FBXO47: variants seen among roughly 807,000 people sequenced by gnomAD.
FBXO47 encodes the protein F-box protein 47, also known as F-box only protein 47.
FBXO47 carries 34 observed loss-of-function variants against 53.9 expected under a neutral mutation model. That is an observed-to-expected ratio of 0.63 (90% CI 0.48 to 0.84). FBXO47 has a LOEUF of 0.84. Ranked by LOEUF, FBXO47 falls within the 40% of genes least tolerant of loss-of-function variation. The probability of loss-of-function intolerance (pLI) is 0.00; values close to 1 mark genes in which losing one functional copy is unlikely to be tolerated. For missense variants in FBXO47, 485 were observed against 541.3 expected, an observed-to-expected ratio of 0.90 and a Z score of 1.03; for synonymous variants, 165 against 181.6, an observed-to-expected ratio of 0.91 and a Z score of 0.73.
intron 9 of FBXO47, among the ~76,000 whole-genome samples, chr17:38,939,268 G>T (rs9889569): frequency 0.026 from 3,322 of 126,428 alleles, 177 homozygotes; most frequent in African/African-American, 0.099. Context: ...ACTCCAGCCT[G>T]GGGGACAGAG....
At chr17:38,962,754 T>C (rs1321848768) in intron 2 of FBXO47, 91 bp downstream of exon 2, 8 of 838,950 alleles carry the variant, frequency 9.5e-6, no homozygotes, top group Non-Finnish European at 8.8e-6. Context: ...ATTAACATTT[T>C]AGCATGGCCC....
At chr17:38,942,031 G>C (rs1165068638) in intron 9 of FBXO47, among the ~76,000 whole-genome samples, 2 of 151,718 alleles carry the variant, frequency 1.3e-5, no homozygotes, top group Non-Finnish European at 2.9e-5. Flanking sequence ...CAAAATTAGA[G>C]AGAATAATAT....
intron 1 of FBXO47, among the ~76,000 whole-genome samples, chr17:38,966,265 G>C (rs1426459833): frequency 6.6e-6 from 1 of 151,480 alleles, no homozygotes; most frequent in African/African-American, 2.4e-5. Flanking sequence ...GCAGTGGCGC[G>C]ATCTCGGCTC....
At chr17:38,965,332 T>C (rs1906049186) in intron 1 of FBXO47, among the ~76,000 whole-genome samples, 1 of 152,214 alleles carries the variant, frequency 6.6e-6, no homozygotes, top group Non-Finnish European at 1.5e-5. Flanking sequence ...GATATATAAT[T>C]GTATCTGGCC....
intron 1 of FBXO47, among the ~76,000 whole-genome samples, chr17:38,963,951 C>A (rs1372377720): frequency 6.6e-6 from 1 of 150,744 alleles, no homozygotes; most frequent in South Asian, 2.1e-4. Context: ...CACAGAGCCA[C>A]CATGCCCAGC....
chr17:38,938,180 A>G (rs957158155), intron 10 of FBXO47, among the ~76,000 whole-genome samples: 1 of 152,198 alleles, frequency 6.6e-6, no homozygotes, highest in African/African-American at 2.4e-5. Flanking sequence ...AGGGTTAATT[A>G]TCATGTTGGT....
rs1176865620 is a variant in FBXO47, at chr17:38,946,639, AAT to A, written c.617-1505_617-1504del. ...CTATATAAATATATATGAATATATA[AAT>A]ATATATAAATATATATGAATATATA... On this transcript the variant is annotated intron_variant, in intron 6 of 10. Coordinates refer to ENST00000378079, the MANE Select transcript of FBXO47 (RefSeq NM_001008777.3). 4.4e-3 allele frequency among the ~76,000 whole-genome samples: 199 copies of A among 45,390 alleles called. 7 individuals carry two copies. Among genetic ancestry groups the A allele is most frequent in the African/African-American group, 0.024 (181 of 7,546 alleles). 29.8% of individuals were successfully genotyped at this position (45,390 alleles called of 152,430 possible).
chr17:38,960,759 G>A (rs1235454337), intron 3 of FBXO47, among the ~76,000 whole-genome samples: 1 of 150,548 alleles, frequency 6.6e-6, no homozygotes, highest in African/African-American at 2.4e-5. Context: ...AGCCTCCTAA[G>A]TAGCTGAGAA....
chr17:38,966,011 T>C (rs1481438127), intron 1 of FBXO47, among the ~76,000 whole-genome samples: 1 of 152,170 alleles, frequency 6.6e-6, no homozygotes, highest in African/African-American at 2.4e-5. Flanking sequence ...CATATATTTC[T>C]TTTTAACAAA....
At chr17:38,962,608 A>AAATAATAAT (rs58127654) in intron 2 of FBXO47, among the ~76,000 whole-genome samples, 2,786 of 146,276 alleles carry the variant, frequency 0.019, 87 homozygotes, top group African/African-American at 0.062. Context: ...CTCCATCTCA[A>AAATAATAAT]AATAATAATA....
At chr17:38,964,953 G>A (rs965552116) in intron 1 of FBXO47, among the ~76,000 whole-genome samples, 1 of 152,006 alleles carries the variant, frequency 6.6e-6, no homozygotes, top group African/African-American at 2.4e-5. Context: ...AAGTAGCTGG[G>A]ATTACAGGCG....
chr17:38,960,950 T>C (rs1905788514), intron 3 of FBXO47, among the ~76,000 whole-genome samples: 1 of 152,046 alleles, frequency 6.6e-6, no homozygotes, highest in Non-Finnish European at 1.5e-5. Context: ...ATATTTATAA[T>C]GAGAAGTAGG....
In FBXO47 at chr17:38,954,931, A is replaced by G; in HGVS notation, c.432T>C (p.Val144=). The G allele has an allele frequency of 3.1e-6, 5 of 1,608,472 alleles. No homozygotes were observed. The highest frequency in any genetic ancestry group is 4.2e-6 in the Non-Finnish European group (5 of 1,176,598). The part of the protein sequence containing the change: ...LKYIHKILTE[V]SCFKFNGCAA... ...CACAGCCATTGAATTTAAAGCAGGA[A>G]ACCTGTAAAGAAAACAATGTTAATA... Residue 144 remains valine (V), a splice_region_variant and synonymous_variant, in exon 5 of 11, where the codon GTT becomes GTC. Transcript: ENST00000378079.
intron 4 of FBXO47, among the ~76,000 whole-genome samples, chr17:38,956,175 AG>A (rs539533541): frequency 5.7e-4 from 86 of 151,990 alleles, no homozygotes; most frequent in Middle Eastern, 3.4e-3. Flanking sequence ...GTCATGCTTT[AG>A]GAAGAGTAAT....
At chr17:38,962,507 G>A (rs1228828732) in intron 2 of FBXO47, among the ~76,000 whole-genome samples, 1 of 151,822 alleles carries the variant, frequency 6.6e-6, no homozygotes, top group Admixed American at 6.6e-5. Flanking sequence ...TCGGGAGGCT[G>A]AGGCAGGAGA....
At chr17:38,966,940 T>G (rs1906160870) in intron 1 of FBXO47, among the ~76,000 whole-genome samples, 1 of 152,060 alleles carries the variant, frequency 6.6e-6, no homozygotes, top group South Asian at 2.1e-4. Flanking sequence ...TGACCGCGCG[T>G]GAAAGGTTTT....
intron 1 of FBXO47, among the ~76,000 whole-genome samples, chr17:38,966,983 C>T (rs991988113): frequency 6.6e-6 from 1 of 151,780 alleles, no homozygotes; most frequent in South Asian, 2.1e-4. Context: ...CCCCGCCCCC[C>T]ACACCTTTAA....
chr17:38,940,523 C>T (rs1904458418), intron 9 of FBXO47, among the ~76,000 whole-genome samples: 1 of 151,930 alleles, frequency 6.6e-6, no homozygotes, highest in South Asian at 2.1e-4. Flanking sequence ...TGTCTAACCT[C>T]ACCTCCTGCT....
At chr17:38,946,961 AAC>A (rs1319546189) in intron 6 of FBXO47, among the ~76,000 whole-genome samples, 2 of 119,712 alleles carry the variant, frequency 1.7e-5, no homozygotes, top group Admixed American at 9.6e-5. Context: ...TAAATATATA[AAC>A]ATATATAAAT....
Sources: allele counts gnomAD v4.1 joint callset (sites outside exome capture counted in the v4.1 genomes callset), GRCh38; gene constraint gnomAD v4.1.1; transcripts MANE v1.5; gene names NCBI Gene and HGNC (gene_info 2026-07-23, HGNC 2026-07-21).